The following PTPRE variants were observed in gnomAD, a reference collection of about 807,000 sequenced individuals.
The protein encoded by PTPRE is protein tyrosine phosphatase receptor type E.
In PTPRE, 51 loss-of-function variants were observed where a neutral mutation model predicts 102.0. The ratio of observed to expected loss-of-function variants is 0.50; its 90% CI spans 0.40 to 0.63. The LOEUF (loss-of-function observed/expected upper bound fraction) is 0.63. Among genes scored for constraint, PTPRE ranks in the 30% least tolerant of loss-of-function variants. PTPRE has a pLI of 0.00. For synonymous variants in PTPRE, 345 were observed against 348.2 expected (o/e 0.99, Z 0.10); for missense variants, 752 against 915.1 (o/e 0.82, Z 2.30).
At chr10:127,970,746 A>G (rs1031511400) in intron 1 of PTPRE, among the ~76,000 whole-genome samples, 8 of 151,262 alleles carry the variant, frequency 5.3e-5, no homozygotes, top group African/African-American at 1.7e-4. Context: ...TCAAGTTTCC[A>G]TCATGGCTGC....
intron 1 of PTPRE, among the ~76,000 whole-genome samples, chr10:127,922,382 GCTGT>G (rs1164092223): frequency 1.3e-5 from 2 of 152,264 alleles, no homozygotes; most frequent in Non-Finnish European, 2.9e-5. Context: ...CCCGTAAGGG[GCTGT>G]CTGTGCGGAG....
chr10:128,081,149 CA>C (rs10717725), intron 20 of PTPRE, among the ~76,000 whole-genome samples: 82,500 of 149,270 alleles, frequency 0.55, 22,694 homozygotes, highest in East Asian at 0.63. Context: ...GAGATTTTGG[CA>C]AAAAAAAAAC....
intron 1 of PTPRE, among the ~76,000 whole-genome samples, chr10:127,962,875 C>T (rs1433726818): frequency 6.6e-6 from 1 of 152,216 alleles, no homozygotes; most frequent in Admixed American, 6.5e-5. Context: ...AGGTCACGCC[C>T]AGGTGCACAG....
At chr10:127,975,065 G>A (rs960375784) in intron 1 of PTPRE, among the ~76,000 whole-genome samples, 1 of 152,214 alleles carries the variant, frequency 6.6e-6, no homozygotes, top group Non-Finnish European at 1.5e-5. Flanking sequence ...CAGAAAAGAT[G>A]TCAAGGAGAG....
At chr10:127,977,187 T>C (rs1463055470) in intron 1 of PTPRE, among the ~76,000 whole-genome samples, 2 of 151,936 alleles carry the variant, frequency 1.3e-5, no homozygotes, top group Non-Finnish European at 2.9e-5. Flanking sequence ...AAAACTGGAG[T>C]CCAAGAGAAG....
At chr10:128,048,942 C>T (rs1848324129) in intron 5 of PTPRE, among the ~76,000 whole-genome samples, 1 of 152,170 alleles carries the variant, frequency 6.6e-6, no homozygotes, top group Non-Finnish European at 1.5e-5. Context: ...CCTCTCACTC[C>T]GAACTTGGGG....
At chr10:128,012,069 G>A (rs1288373829) in intron 2 of PTPRE, among the ~76,000 whole-genome samples, 1 of 152,076 alleles carries the variant, frequency 6.6e-6, no homozygotes, top group African/African-American at 2.4e-5. Context: ...GAGCCTGGGT[G>A]TGAACCCAGG....
At chr10:127,963,224 C>T (rs971805099) in intron 1 of PTPRE, among the ~76,000 whole-genome samples, 2 of 152,050 alleles carry the variant, frequency 1.3e-5, no homozygotes, top group Non-Finnish European at 2.9e-5. Flanking sequence ...CTGTATGGAC[C>T]CATTCTCCAC....
chr10:127,916,072 C>T (rs1846185788), intron 1 of PTPRE, among the ~76,000 whole-genome samples: 1 of 151,542 alleles, frequency 6.6e-6, no homozygotes, highest in Non-Finnish European at 1.5e-5. Flanking sequence ...GAACTCACTT[C>T]CAGGGAGTGT....
chr10:127,964,743 T>G, intron 1 of PTPRE: 1 of 227,694 alleles, frequency 4.4e-6, no homozygotes, highest in Non-Finnish European at 8.9e-6. Context: ...GAATATGACT[T>G]TGGGGAATAC....
chr10:128,053,420 G>A (rs2135887317), intron 6 of PTPRE, among the ~76,000 whole-genome samples: 2 of 152,310 alleles, frequency 1.3e-5, no homozygotes, highest in South Asian at 2.1e-4. Context: ...TCATCCAGGT[G>A]TGCAGACCCC....
intron 1 of PTPRE, among the ~76,000 whole-genome samples, chr10:127,946,130 T>C (rs2135318501): frequency 6.6e-6 from 1 of 152,240 alleles, no homozygotes; most frequent in Non-Finnish European, 1.5e-5. Context: ...GAAGTGCCTG[T>C]CAGAGAAGCA....
chr10:128,068,355 G>T, intron 12 of PTPRE, 69 bp downstream of exon 12: 1 of 1,513,434 alleles, frequency 6.6e-7, no homozygotes. Flanking sequence ...ATCCTCATGG[G>T]CAATGCCAGG....
chr10:127,977,461 C>T (rs918165642), intron 1 of PTPRE, among the ~76,000 whole-genome samples: 6 of 152,182 alleles, frequency 3.9e-5, no homozygotes, highest in Non-Finnish European at 8.8e-5. Flanking sequence ...CTTGGAGATA[C>T]GCATGCTACA....
chr10:127,928,595 T>A (rs1263429179), intron 1 of PTPRE, among the ~76,000 whole-genome samples: 2 of 152,218 alleles, frequency 1.3e-5, no homozygotes, highest in Non-Finnish European at 2.9e-5. Flanking sequence ...GAGGACAGAT[T>A]AGCTGTGCTG....
Position 127,907,216 on chromosome 10 carries a change from C to T in PTPRE, c.-124C>T. On this transcript the variant is annotated 5_prime_UTR_variant, in exon 1 of 21. Coordinates refer to ENST00000254667, the MANE Select transcript of PTPRE (RefSeq NM_006504.6). The surrounding 1 kb of genome is among the most constrained non-coding windows in gnomAD (Gnocchi z 4.8). ...GACCCTTCTTCGCGCCCGGCGAAGA[C>T]AGCCGGGCGCCCCGGAGGGCGGCGG... The T allele has an allele frequency of 1.0e-6, 1 of 978,260 alleles. No individual in the cohort carries two copies. The highest frequency in any genetic ancestry group is 4.7e-5 in the South Asian group (1 of 21,150). 60.6% of individuals were successfully genotyped at this position (978,260 alleles called of 1,614,324 possible).
chr10:127,915,092 AC>A (rs1304252772), intron 1 of PTPRE, among the ~76,000 whole-genome samples: 1 of 152,246 alleles, frequency 6.6e-6, no homozygotes, highest in Non-Finnish European at 1.5e-5. Flanking sequence ...TCCGGTACTT[AC>A]TTTAATGAAT....
At chr10:127,923,134 C>G (rs1771479742) in intron 1 of PTPRE, among the ~76,000 whole-genome samples, 1 of 152,254 alleles carries the variant, frequency 6.6e-6, no homozygotes, top group South Asian at 2.1e-4. Context: ...GGCTGGCGTG[C>G]CATTCTTTTG....
intron 2 of PTPRE, among the ~76,000 whole-genome samples, chr10:128,001,000 A>G (rs1212600974): frequency 6.6e-6 from 1 of 152,220 alleles, no homozygotes. Flanking sequence ...CTCTGCATGT[A>G]CCATCATGAG....
Sources: gnomAD v4.1 joint callset for allele counts (sites outside exome capture counted in the v4.1 genomes callset) on GRCh38, gnomAD v4.1.1 for gene constraint, Gnocchi (gnomAD v3.1) non-coding constraint, MANE v1.5 for transcripts, NCBI Gene and HGNC (gene_info 2026-07-23, HGNC 2026-07-21) for gene names.